Variants in FBXL7 observed in about 807,000 individuals in gnomAD.
The protein encoded by FBXL7 is F-box and leucine rich repeat protein 7.
FBXL7 carries 12 observed loss-of-function variants against 38.3 expected under a neutral mutation model. The ratio of observed to expected loss-of-function variants is 0.31; its 90% CI spans 0.20 to 0.51. The LOEUF (loss-of-function observed/expected upper bound fraction) is 0.51. Ranked by LOEUF, FBXL7 falls within the 20% of genes least tolerant of loss-of-function variation. FBXL7 has a pLI of 0.98. For missense variants in FBXL7, 567 were observed against 676.4 expected (o/e 0.84, Z 1.79); for synonymous variants, 297 against 300.9 (o/e 0.99, Z 0.13).
chr5:15,750,443 G>T (rs1338673043), intron 2 of FBXL7, among the ~76,000 whole-genome samples: 1 of 152,136 alleles, frequency 6.6e-6, no homozygotes, highest in African/African-American at 2.4e-5. Flanking sequence ...CTCTGACCTT[G>T]AGTCTTTGCT....
At chr5:15,841,968 G>T (rs2126784452) in intron 2 of FBXL7, among the ~76,000 whole-genome samples, 1 of 152,358 alleles carries the variant, frequency 6.6e-6, no homozygotes, top group Non-Finnish European at 1.5e-5. Context: ...TGCTAGGGCA[G>T]TGCAGAAGGG....
intron 1 of FBXL7, among the ~76,000 whole-genome samples, chr5:15,521,477 AACTT>A (rs1290683213): frequency 2.6e-5 from 4 of 152,334 alleles, no homozygotes; most frequent in African/African-American, 7.2e-5. Flanking sequence ...GTCATGATTT[AACTT>A]ACTTATGTCA....
chr5:15,749,493 T>A (rs1014547242), intron 2 of FBXL7, among the ~76,000 whole-genome samples: 1 of 149,076 alleles, frequency 6.7e-6, no homozygotes, highest in Non-Finnish European at 1.5e-5. Context: ...CAGGCGTGGT[T>A]GCGGGCGCCC....
At chr5:15,633,885 G>T (rs1175438968) in intron 2 of FBXL7, among the ~76,000 whole-genome samples, 1 of 151,718 alleles carries the variant, frequency 6.6e-6, no homozygotes, top group East Asian at 1.9e-4. Flanking sequence ...GGTCCAAGCA[G>T]TTCTCCTGCC....
chr5:15,693,643 C>G (rs2126625312), intron 2 of FBXL7, among the ~76,000 whole-genome samples: 1 of 152,250 alleles, frequency 6.6e-6, no homozygotes, highest in South Asian at 2.1e-4. Context: ...AGTAAAAACC[C>G]CAAGACCCTA....
At chr5:15,610,298 T>G (rs1432072889) in intron 1 of FBXL7, among the ~76,000 whole-genome samples, 1 of 152,100 alleles carries the variant, frequency 6.6e-6, no homozygotes, top group African/African-American at 2.4e-5. Flanking sequence ...ATCTGGCTGC[T>G]CCCCTCCTGT....
chr5:15,810,669 T>C (rs1201451943), intron 2 of FBXL7, among the ~76,000 whole-genome samples: 2 of 152,232 alleles, frequency 1.3e-5, no homozygotes, highest in Non-Finnish European at 2.9e-5. Flanking sequence ...GCCTTGGATT[T>C]GTCCATTGAA....
chr5:15,931,266 T>C (rs1296804313), intron 3 of FBXL7, among the ~76,000 whole-genome samples: 1 of 152,242 alleles, frequency 6.6e-6, no homozygotes, highest in Non-Finnish European at 1.5e-5. Context: ...GTATGAAATC[T>C]GGAATCAACT....
intron 2 of FBXL7, among the ~76,000 whole-genome samples, chr5:15,903,359 T>C (rs1300393029): frequency 6.6e-6 from 1 of 152,184 alleles, no homozygotes; most frequent in Non-Finnish European, 1.5e-5. Context: ...TTCTGGCACA[T>C]TGTCTCCAGA....
intron 3 of FBXL7, among the ~76,000 whole-genome samples, chr5:15,934,469 T>C (rs921930919): frequency 2.2e-4 from 33 of 151,884 alleles, no homozygotes; most frequent in African/African-American, 7.7e-4. Flanking sequence ...GTGTTTCCTA[T>C]ATATAAATAT....
At chr5:15,588,066 A>C (rs1229709711) in intron 1 of FBXL7, among the ~76,000 whole-genome samples, 1 of 152,180 alleles carries the variant, frequency 6.6e-6, no homozygotes, top group Non-Finnish European at 1.5e-5. Context: ...CATCAGATTT[A>C]ATGTCCAGCA....
chr5:15,799,490 G>A (rs530888501), intron 2 of FBXL7, among the ~76,000 whole-genome samples: 2 of 151,036 alleles, frequency 1.3e-5, no homozygotes, highest in South Asian at 4.2e-4. Context: ...AGCCTCCCGA[G>A]TAGCTGGGAT....
intron 2 of FBXL7, among the ~76,000 whole-genome samples, chr5:15,704,935 A>G (rs1471733343): frequency 1.3e-5 from 2 of 151,244 alleles, no homozygotes; most frequent in Non-Finnish European, 2.9e-5. Flanking sequence ...CTATGCATAG[A>G]CAGTTCATTT....
At chr5:15,727,355 C>T (rs1318417373) in intron 2 of FBXL7, among the ~76,000 whole-genome samples, 1 of 152,180 alleles carries the variant, frequency 6.6e-6, no homozygotes, top group East Asian at 1.9e-4. Context: ...TTTCACCCTT[C>T]AGGGCCTCCT....
chr5:15,697,078 A>G (rs1163934647), intron 2 of FBXL7, among the ~76,000 whole-genome samples: 1 of 152,202 alleles, frequency 6.6e-6, no homozygotes, highest in African/African-American at 2.4e-5. Context: ...GTATGTAGGT[A>G]ACCTAACACC....
chr5:15,648,039 A>G (rs1240476088), intron 2 of FBXL7, among the ~76,000 whole-genome samples: 1 of 152,210 alleles, frequency 6.6e-6, no homozygotes, highest in African/African-American at 2.4e-5. Flanking sequence ...TGCCGCCAGC[A>G]CACATATGTG....
At chr5:15,749,527 T>A (rs1335684838) in intron 2 of FBXL7, among the ~76,000 whole-genome samples, 1 of 151,744 alleles carries the variant, frequency 6.6e-6, no homozygotes, top group African/African-American at 2.4e-5. Context: ...CTCGGGAGGC[T>A]GAGGCAGGAG....
At chr5:15,642,022 A>G (rs373064180) in intron 2 of FBXL7, among the ~76,000 whole-genome samples, 1 of 151,250 alleles carries the variant, frequency 6.6e-6, no homozygotes, top group South Asian at 2.1e-4. Flanking sequence ...ACCCCAATAC[A>G]TTAGTAAATG....
At chr5:15,722,688 C>T (rs779534402) in intron 2 of FBXL7, among the ~76,000 whole-genome samples, 7 of 152,104 alleles carry the variant, frequency 4.6e-5, no homozygotes, top group Non-Finnish European at 8.8e-5. Context: ...TTCGGGAGGC[C>T]GAGGTGGGTG....
Sources: gnomAD v4.1 joint callset for allele counts (sites outside exome capture counted in the v4.1 genomes callset) on GRCh38, gnomAD v4.1.1 for gene constraint, MANE v1.5 for transcripts, NCBI Gene and HGNC (gene_info 2026-07-23, HGNC 2026-07-21) for gene names.